The following STIM2 variants were observed in gnomAD, a reference collection of about 807,000 sequenced individuals.
STIM2 encodes the protein stromal interaction molecule 2.
A neutral mutation model predicts 85.8 loss-of-function variants in STIM2; 31 were observed. That is an observed-to-expected ratio of 0.36 (90% CI 0.27 to 0.49). The LOEUF is 0.49. STIM2 is among the 20% of genes least tolerant of loss of function. The pLI is 0.98. For missense variants in STIM2, 841 were observed against 927.6 expected, an observed-to-expected ratio of 0.91 and a Z score of 1.21; for synonymous variants, 356 against 331.1, an observed-to-expected ratio of 1.08 and a Z score of -0.82.
intron 1 of STIM2, among the ~76,000 whole-genome samples, chr4:26,889,238 A>G (rs1318257373): frequency 1.3e-5 from 2 of 152,220 alleles, no homozygotes; most frequent in African/African-American, 2.4e-5. Context: ...CTCATGGAAA[A>G]CATTGCACAA....
intron 10 of STIM2, among the ~76,000 whole-genome samples, chr4:27,013,813 A>G (rs1728642449): frequency 6.6e-6 from 1 of 152,062 alleles, no homozygotes; most frequent in Non-Finnish European, 1.5e-5. Context: ...ACCTTGAAAT[A>G]GTCTAAGGTA....
intron 4 of STIM2, 145 bp from the exon 5 acceptor site, chr4:26,999,087 T>C (rs1728058707): frequency 3.4e-6 from 1 of 297,062 alleles, no homozygotes; most frequent in African/African-American, 2.2e-5. Flanking sequence ...TAACAAATTA[T>C]TAAATCACAC....
Position 26,999,319 on chromosome 4 carries a change from G to A in STIM2, c.597G>A (p.Leu199=). 6.2e-7 allele frequency: 1 copy of A among 1,609,460 alleles called. No individual in the cohort carries two copies. The highest frequency in any genetic ancestry group is 1.3e-5 in the African/African-American group (1 of 74,714). Residue 199 remains leucine, a synonymous_variant, in exon 5 of 12, where the codon TTG becomes TTA. Coordinates refer to ENST00000467087, the MANE Select transcript of STIM2 (RefSeq NM_020860.4). ...GACAAAAACTTCAGCTCAAGGCATT[G>A]GATGTGGTTTTGTTTGGACCTCTAA...
intron 2 of STIM2, among the ~76,000 whole-genome samples, chr4:26,920,258 G>C (rs1340004909): frequency 1.3e-5 from 2 of 152,060 alleles, no homozygotes; most frequent in Non-Finnish European, 2.9e-5. Context: ...TAATTTATTG[G>C]CCAAGACAAG....
At chr4:26,880,986 T>C (rs1722994989) in intron 1 of STIM2, among the ~76,000 whole-genome samples, 1 of 152,148 alleles carries the variant, frequency 6.6e-6, no homozygotes, top group Admixed American at 6.5e-5. Context: ...ATTGTTCTTT[T>C]CTATATGTAT....
At chr4:27,020,851 A>G in intron 11 of STIM2, 1 of 600,118 alleles carries the variant, frequency 1.7e-6, no homozygotes, top group South Asian at 2.6e-5. Context: ...GACCTGGCCT[A>G]GTTCCAGCTG....
chr4:26,990,991 A>G (rs949568360), intron 3 of STIM2, among the ~76,000 whole-genome samples: 2 of 152,190 alleles, frequency 1.3e-5, no homozygotes, highest in Non-Finnish European at 2.9e-5. Flanking sequence ...GGGAATGTAA[A>G]GTAGTACAGT....
intron 1 of STIM2, among the ~76,000 whole-genome samples, chr4:26,914,951 A>G (rs1724478777): frequency 6.6e-6 from 1 of 152,208 alleles, no homozygotes; most frequent in African/African-American, 2.4e-5. Flanking sequence ...GGTCCTGGCA[A>G]TATCTGTGAT....
At chr4:27,005,045 G>C (rs1728284193) in intron 7 of STIM2, among the ~76,000 whole-genome samples, 1 of 152,158 alleles carries the variant, frequency 6.6e-6, no homozygotes, top group Non-Finnish European at 1.5e-5. Context: ...TCCAAAGTCT[G>C]TGTCTTCTTA....
intron 1 of STIM2, among the ~76,000 whole-genome samples, chr4:26,863,500 C>T (rs1403701661): frequency 6.6e-6 from 1 of 151,984 alleles, no homozygotes; most frequent in Non-Finnish European, 1.5e-5. Context: ...TTTCTTTGAA[C>T]TATATGGCCT....
intron 3 of STIM2, among the ~76,000 whole-genome samples, chr4:26,977,810 G>A (rs1346316463): frequency 2.0e-5 from 3 of 152,138 alleles, no homozygotes; most frequent in Admixed American, 6.5e-5. Flanking sequence ...AGATCATGGC[G>A]CAAAGAGGGA....
chr4:26,983,618 T>C lies in STIM2; in HGVS notation c.398-11761T>C, dbSNP rs552089903. On this transcript the variant is annotated intron_variant, in intron 3 of 11. Transcript: ENST00000467087. ...TTTTCTATTATTGAAGAAATCAAGG[T>C]TTACAAGTTCTGAATGTATTGTGTC... 3.9e-5 allele frequency among the ~76,000 whole-genome samples: 6 copies of C among 152,340 alleles called. No individual in the cohort carries two copies. The South Asian group carries it at 1.2e-3, about 32-fold the overall frequency.
chr4:26,956,963 T>C (rs963648227), intron 2 of STIM2, among the ~76,000 whole-genome samples: 1 of 152,116 alleles, frequency 6.6e-6, no homozygotes, highest in African/African-American at 2.4e-5. Context: ...GTCGTAAAGG[T>C]AAATGACTTT....
chr4:26,903,447 A>G lies in STIM2; in HGVS notation c.152-16057A>G, dbSNP rs376779578. Reference sequence around the variant, plus strand: ...TACTTGTACTTGATTTTTGCAAAACATTTTAATGAACTAGTTATTTCTGTT... The same window carrying G: ...TACTTGTACTTGATTTTTGCAAAACGTTTTAATGAACTAGTTATTTCTGTT... On this transcript the variant is annotated intron_variant, in intron 1 of 11. Coordinates refer to ENST00000467087, the MANE Select transcript of STIM2 (RefSeq NM_020860.4). 3.6e-4 allele frequency among the ~76,000 whole-genome samples: 55 copies of G among 152,300 alleles called. No homozygotes were observed. The East Asian group carries it at 7.1e-3, about 20-fold the overall frequency.
chr4:26,935,911 G>A (rs1725374948), intron 2 of STIM2, among the ~76,000 whole-genome samples: 2 of 152,052 alleles, frequency 1.3e-5, no homozygotes, highest in Non-Finnish European at 1.5e-5. Context: ...CTACTGTGAT[G>A]CTCTTGCAAG....
chr4:27,007,943 CATT>C, intron 8 of STIM2: 1 of 724,202 alleles, frequency 1.4e-6, no homozygotes. Context: ...TCTTTTTTAT[CATT>C]ATCATAAAAG....
At chr4:27,010,516 A>G (rs979959859) in intron 10 of STIM2, among the ~76,000 whole-genome samples, 6 of 152,302 alleles carry the variant, frequency 3.9e-5, no homozygotes, top group East Asian at 1.9e-4. Flanking sequence ...AAAGATTACA[A>G]TTTGAGAGCT....
chr4:26,889,136 C>G (rs1382838126), intron 1 of STIM2, among the ~76,000 whole-genome samples: 2 of 152,214 alleles, frequency 1.3e-5, no homozygotes, highest in Non-Finnish European at 2.9e-5. Context: ...TGGCCCCACT[C>G]TTATTTCTCT....
chr4:26,941,503 A>AG (rs1725611064), intron 2 of STIM2, among the ~76,000 whole-genome samples: 1 of 152,152 alleles, frequency 6.6e-6, no homozygotes. Context: ...GTAGATTATA[A>AG]GCAGAAGGCC....
Sources: gnomAD v4.1 joint callset for allele counts (sites outside exome capture counted in the v4.1 genomes callset) on GRCh38, gnomAD v4.1.1 for gene constraint, MANE v1.5 for transcripts, NCBI Gene and HGNC (gene_info 2026-07-23, HGNC 2026-07-21) for gene names.